The following ABLIM1 variants were observed in gnomAD, a reference collection of about 807,000 sequenced individuals.
ABLIM1 encodes actin binding LIM protein 1.
ABLIM1 carries 40 observed loss-of-function variants against 107.0 expected under a neutral mutation model. The observed-to-expected ratio is 0.37, with a 90% CI of 0.29 to 0.49. The LOEUF is 0.49. Ranked by LOEUF, ABLIM1 falls within the 20% of genes least tolerant of loss-of-function variation. The pLI is 0.97. For synonymous variants in ABLIM1, 357 were observed against 357.3 expected (o/e 1.00, Z 0.01); for missense variants, 857 against 1,008.5 (o/e 0.85, Z 2.04).
At chr10:114,753,324 G>A (rs776829484) in intron 1 of ABLIM1, among the ~76,000 whole-genome samples, 6 of 152,160 alleles carry the variant, frequency 3.9e-5, no homozygotes, top group African/African-American at 1.2e-4. Flanking sequence ...CTCTCTTTCC[G>A]TTATTTCTGA....
intron 1 of ABLIM1, among the ~76,000 whole-genome samples, chr10:114,633,753 T>C (rs971019341): frequency 2.0e-5 from 3 of 152,172 alleles, no homozygotes; most frequent in African/African-American, 4.8e-5. Flanking sequence ...TTTTCATGGC[T>C]AAAACTGCAC....
At chr10:114,577,274 C>G (rs1488859659) in intron 2 of ABLIM1, among the ~76,000 whole-genome samples, 3 of 152,164 alleles carry the variant, frequency 2.0e-5, no homozygotes, top group African/African-American at 7.2e-5. Flanking sequence ...TGAAACTTGG[C>G]AGGTTCCCAC....
At chr10:114,472,899 C>A in intron 10 of ABLIM1, 78 bp downstream of exon 10, 1 of 1,387,960 alleles carries the variant, frequency 7.2e-7, no homozygotes, top group Non-Finnish European at 9.6e-7. Context: ...TACCTGAACT[C>A]CAAATGGTAG....
chr10:114,667,040 A>C (rs1189695361), intron 1 of ABLIM1, among the ~76,000 whole-genome samples: 2 of 152,210 alleles, frequency 1.3e-5, no homozygotes, highest in African/African-American at 4.8e-5. Flanking sequence ...ACCCTCCAGC[A>C]AAACAGAACA....
At chr10:114,768,155 GC>G (rs1045309875), upstream of ABLIM1, 27 of 304,724 alleles carry the variant, frequency 8.9e-5, no homozygotes, top group African/African-American at 5.2e-4. Context: ...CGGAGCGCCC[GC>G]CCGGCCCCGG....
chr10:114,786,652 T>G, the ABLIM1 span, among the ~76,000 whole-genome samples: 2 of 152,212 alleles, frequency 1.3e-5, no homozygotes, highest in East Asian at 3.9e-4. Flanking sequence ...TGAAATGTAT[T>G]TACCACTGAC....
At chr10:114,582,254 T>G (rs920078065) in intron 2 of ABLIM1, among the ~76,000 whole-genome samples, 1 of 151,892 alleles carries the variant, frequency 6.6e-6, no homozygotes, top group Non-Finnish European at 1.5e-5. Context: ...AAGAATTCAA[T>G]CCCATTTACA....
chr10:114,590,624 T>C (rs1284383875), intron 2 of ABLIM1, among the ~76,000 whole-genome samples: 5 of 152,208 alleles, frequency 3.3e-5, no homozygotes, highest in African/African-American at 1.2e-4. Flanking sequence ...TCTGCAGGCA[T>C]AGCAGAAAGC....
At chr10:114,607,002 C>A (rs2076461748) in intron 1 of ABLIM1, among the ~76,000 whole-genome samples, 1 of 152,228 alleles carries the variant, frequency 6.6e-6, no homozygotes, top group Non-Finnish European at 1.5e-5. Context: ...CCTTTTCTCA[C>A]CCCAGCAGCC....
the ABLIM1 span, chr10:114,778,112 C>G: frequency 2.0e-5 from 3 of 152,356 alleles, no homozygotes; most frequent in Non-Finnish European, 4.4e-5. Context: ...GCCTGTAATC[C>G]TAGCACTTTG....
At chr10:114,658,802 C>G (rs1002769182), upstream of ABLIM1, among the ~76,000 whole-genome samples, 1 of 152,326 alleles carries the variant, frequency 6.6e-6, no homozygotes, top group Admixed American at 6.5e-5. Context: ...CCAGGAAAAT[C>G]CTTCTGCCTC....
At chr10:114,615,154 C>T (rs2077051067) in intron 1 of ABLIM1, among the ~76,000 whole-genome samples, 1 of 152,116 alleles carries the variant, frequency 6.6e-6, no homozygotes, top group Non-Finnish European at 1.5e-5. Flanking sequence ...CATGCAACAA[C>T]CAGAATGATC....
At chr10:114,599,541 G>A (rs2075778653) in intron 2 of ABLIM1, among the ~76,000 whole-genome samples, 1 of 152,096 alleles carries the variant, frequency 6.6e-6, no homozygotes, top group African/African-American at 2.4e-5. Flanking sequence ...GGAGGCTGAG[G>A]CAGGAGAATC....
chr10:114,543,640 A>C (rs1189981122), intron 6 of ABLIM1, among the ~76,000 whole-genome samples: 1 of 152,214 alleles, frequency 6.6e-6, no homozygotes, highest in Non-Finnish European at 1.5e-5. Context: ...TTTACACAAC[A>C]ACCTGGTCTA....
chr10:114,708,578 T>A (rs548873060), intron 1 of ABLIM1, among the ~76,000 whole-genome samples: 1 of 152,044 alleles, frequency 6.6e-6, no homozygotes, highest in Non-Finnish European at 1.5e-5. Flanking sequence ...ATGGGGAGAA[T>A]AAGAAGACAA....
At chr10:114,442,770 T>C (rs1212091335) in intron 17 of ABLIM1, among the ~76,000 whole-genome samples, 1 of 152,170 alleles carries the variant, frequency 6.6e-6, no homozygotes, top group Non-Finnish European at 1.5e-5. Flanking sequence ...AACAACCACA[T>C]CTACTTCACT....
chr10:114,440,792 G>A, intron 19 of ABLIM1: 2 of 646,010 alleles, frequency 3.1e-6, no homozygotes, highest in South Asian at 3.0e-5. Context: ...TCAGCACATA[G>A]TATGAGCAAT....
At chr10:114,484,165 A>C (rs1242662902) in intron 8 of ABLIM1, among the ~76,000 whole-genome samples, 1 of 152,138 alleles carries the variant, frequency 6.6e-6, no homozygotes, top group Non-Finnish European at 1.5e-5. Context: ...GGCTCACGGA[A>C]ACATGGTTTT....
At chr10:114,671,259 G>A (rs2080243208) in intron 1 of ABLIM1, among the ~76,000 whole-genome samples, 1 of 152,176 alleles carries the variant, frequency 6.6e-6, no homozygotes, top group Admixed American at 6.5e-5. Context: ...GCAGTTGTGT[G>A]TATCTGCAGT....
Sources: allele counts gnomAD v4.1 joint callset (sites outside exome capture counted in the v4.1 genomes callset), GRCh38; gene constraint gnomAD v4.1.1; transcripts MANE v1.5; gene names NCBI Gene and HGNC (gene_info 2026-07-23, HGNC 2026-07-21).